The following PPA2 variants were observed in gnomAD, a reference collection of about 807,000 sequenced individuals.
PPA2 encodes the protein inorganic pyrophosphatase 2, mitochondrial.
PPA2 carries 48 observed loss-of-function variants against 49.5 expected under a neutral mutation model. That is an observed-to-expected ratio of 0.97 (90% CI 0.77 to 1.23). The LOEUF is 1.23. Ranked by LOEUF, PPA2 falls within the 50% of genes most tolerant of loss-of-function variation. The probability of loss-of-function intolerance (pLI) is 0.00; values close to 1 mark genes in which losing one functional copy is unlikely to be tolerated. For synonymous variants in PPA2, 131 were observed against 139.9 expected, an observed-to-expected ratio of 0.94 and a Z score of 0.45; for missense variants, 429 against 410.1, an observed-to-expected ratio of 1.05 and a Z score of -0.40.
chr4:105,430,010 T>C (rs184379909), intron 6 of PPA2, among the ~76,000 whole-genome samples: 3 of 152,374 alleles, frequency 2.0e-5, no homozygotes, highest in East Asian at 1.9e-4. Flanking sequence ...CAAGTTTATA[T>C]GCATGCATTC....
chr4:105,424,214 C>T lies in PPA2; in HGVS notation c.637G>A (p.Glu213Lys). 1 of 1,606,080 alleles carries T rather than the reference C, an allele frequency of 6.2e-7. No individual in the cohort carries two copies. The highest frequency in any genetic ancestry group is 8.5e-7 in the Non-Finnish European group (1 of 1,178,264). ...KLIAINANDPEASKFHDIDDV... is the reference protein window; with the variant it reads ...KLIAINANDPKASKFHDIDDV... ...GTCTTACCATGAAACTTTGAGGCTT[C>T]AGGATCATTCGCATTGATAGCAATT... is the stretch of plus-strand genomic sequence containing the variant. Residue 213 changes from glutamate to lysine, a missense_variant, in exon 7 of 12, where the codon GAA becomes AAA. By Grantham distance (56) the Glu-to-Lys change is moderately conservative (BLOSUM62 1). Coordinates refer to ENST00000341695, the MANE Select transcript of PPA2 (RefSeq NM_176869.3).
At chr4:105,454,093 T>C (rs1338711769) in intron 2 of PPA2, among the ~76,000 whole-genome samples, 3 of 152,152 alleles carry the variant, frequency 2.0e-5, no homozygotes, top group Admixed American at 6.5e-5. Flanking sequence ...CCAAGCACTT[T>C]TTTTCTTTTT....
At chr4:105,456,607 G>C in intron 2 of PPA2, 74 bp downstream of exon 2, 1 of 1,260,310 alleles carries the variant, frequency 7.9e-7, no homozygotes, top group Middle Eastern at 2.0e-4. Context: ...TTCCTTTCAA[G>C]GTGCTTCCAA....
chr4:105,449,842 A>T (rs1056236696), intron 3 of PPA2, among the ~76,000 whole-genome samples: 1 of 152,230 alleles, frequency 6.6e-6, no homozygotes, highest in Non-Finnish European at 1.5e-5. Context: ...CAATGACAAT[A>T]TACAGAAAAT....
intron 10 of PPA2, among the ~76,000 whole-genome samples, chr4:105,380,996 ACT>A (rs1340580778): frequency 7.2e-5 from 11 of 152,106 alleles, no homozygotes; most frequent in African/African-American, 2.4e-4. Flanking sequence ...AGCCATCTAT[ACT>A]CCTATTATAC....
intron 10 of PPA2, among the ~76,000 whole-genome samples, chr4:105,385,407 TA>T (rs375751155): frequency 7.9e-4 from 107 of 135,678 alleles, no homozygotes; most frequent in Middle Eastern, 3.8e-3. Context: ...GACACATCAG[TA>T]AAAAAAAAAC....
intron 10 of PPA2, among the ~76,000 whole-genome samples, chr4:105,376,420 C>T (rs1244666788): frequency 3.3e-5 from 5 of 152,126 alleles, no homozygotes; most frequent in Non-Finnish European, 7.4e-5. Flanking sequence ...TCCCCCTTGA[C>T]TTTTTTACTT....
chr4:105,382,966 G>A (rs959726297), intron 10 of PPA2, among the ~76,000 whole-genome samples: 1 of 151,778 alleles, frequency 6.6e-6, no homozygotes, highest in Admixed American at 6.6e-5. Flanking sequence ...TCATGCCACT[G>A]CACTCTAGCC....
At chr4:105,459,800 A>G (rs1370328210) in intron 1 of PPA2, among the ~76,000 whole-genome samples, 6 of 152,244 alleles carry the variant, frequency 3.9e-5, no homozygotes, top group Non-Finnish European at 7.3e-5. Flanking sequence ...ACACTGTATC[A>G]AGCGAAAGAA....
At chr4:105,385,065 G>A (rs975027743) in intron 10 of PPA2, among the ~76,000 whole-genome samples, 14 of 152,110 alleles carry the variant, frequency 9.2e-5, no homozygotes, top group Non-Finnish European at 1.9e-4. Flanking sequence ...GTGTGGCCTT[G>A]AATGCTCTTC....
intron 1 of PPA2, among the ~76,000 whole-genome samples, chr4:105,469,557 T>C (rs1227632358): frequency 2.0e-5 from 3 of 152,202 alleles, no homozygotes; most frequent in African/African-American, 7.2e-5. Context: ...TACTGGAAGC[T>C]TCAGCAATGA....
At chr4:105,461,944 A>C (rs543815217) in intron 1 of PPA2, among the ~76,000 whole-genome samples, 1 of 152,218 alleles carries the variant, frequency 6.6e-6, no homozygotes, top group African/African-American at 2.4e-5. Flanking sequence ...ACATTTCCCT[A>C]AAGTGCAAAA....
chr4:105,376,526 A>C (rs1200216495), intron 10 of PPA2, among the ~76,000 whole-genome samples: 1 of 152,140 alleles, frequency 6.6e-6, no homozygotes, highest in East Asian at 1.9e-4. Flanking sequence ...TTTAGTGGAA[A>C]TCTGTCGATG....
intron 6 of PPA2, among the ~76,000 whole-genome samples, chr4:105,431,550 C>T (rs1406902563): frequency 6.6e-6 from 1 of 151,970 alleles, no homozygotes; most frequent in Non-Finnish European, 1.5e-5. Flanking sequence ...AGAGTAAATT[C>T]AGAATTACCA....
intron 1 of PPA2, among the ~76,000 whole-genome samples, chr4:105,472,696 T>C (rs112404814): frequency 5.9e-5 from 9 of 152,258 alleles, no homozygotes; most frequent in African/African-American, 1.7e-4. Flanking sequence ...AAAATAGAAA[T>C]TCTAGTACTA....
intron 10 of PPA2, among the ~76,000 whole-genome samples, chr4:105,385,918 C>T (rs1184068967): frequency 1.4e-5 from 2 of 143,082 alleles, no homozygotes; most frequent in African/African-American, 5.2e-5. Context: ...CTCACTCTGT[C>T]GCCTAGGCTG....
At chr4:105,377,348 G>A (rs1733298453) in intron 10 of PPA2, among the ~76,000 whole-genome samples, 1 of 152,068 alleles carries the variant, frequency 6.6e-6, no homozygotes, top group South Asian at 2.1e-4. Context: ...TTATCTGCTG[G>A]ACATTTTTAC....
intron 6 of PPA2, among the ~76,000 whole-genome samples, chr4:105,434,899 A>G (rs1384869786): frequency 2.0e-5 from 3 of 152,208 alleles, no homozygotes; most frequent in Non-Finnish European, 2.9e-5. Context: ...ACCAAAAACT[A>G]GATGCTTAGG....
At chr4:105,453,517 T>C in intron 3 of PPA2, 81 bp downstream of exon 3, 2 of 1,116,930 alleles carry the variant, frequency 1.8e-6, no homozygotes, top group Non-Finnish European at 2.5e-6. Flanking sequence ...CTTAGAATCA[T>C]TTTACAAATG....
Sources: allele counts gnomAD v4.1 joint callset (sites outside exome capture counted in the v4.1 genomes callset), GRCh38; gene constraint gnomAD v4.1.1; transcripts MANE v1.5; gene names NCBI Gene and HGNC (gene_info 2026-07-23, HGNC 2026-07-21).